Variants in HTR1D observed in about 807,000 individuals in gnomAD.
HTR1D encodes 5-HT-1D.
HTR1D carries 18 observed loss-of-function variants against 21.1 expected under a neutral mutation model. The observed-to-expected ratio is 0.85, with a 90% CI of 0.59 to 1.27. The LOEUF (loss-of-function observed/expected upper bound fraction) is 1.27, where lower values mean the gene tolerates loss of function less well. Ranked by LOEUF, HTR1D falls within the 50% of genes most tolerant of loss-of-function variation. The pLI is 0.00. For synonymous variants in HTR1D, 196 were observed against 204.4 expected (o/e 0.96, Z 0.35); for missense variants, 456 against 481.4 (o/e 0.95, Z 0.49).
At position 23,193,071 on chromosome 1, in the gene HTR1D, C is replaced by A; in HGVS notation, c.*15G>T. The A allele has an allele frequency of 6.4e-7, 1 of 1,552,884 alleles. No homozygotes were observed. Among genetic ancestry groups the A allele is most frequent in the South Asian group, 1.2e-5 (1 of 83,790 alleles). ...ACAGGACACAAAAGATAACAAGAGT[C>A]ATCACCGAATAAGACTAGGAGGCCT... On this transcript the variant is annotated 3_prime_UTR_variant, in exon 2 of 2. Coordinates refer to ENST00000374619, the MANE Select transcript of HTR1D (RefSeq NM_000864.5).
intron 1 of HTR1D, among the ~76,000 whole-genome samples, chr1:23,197,344 T>G (rs1287931321): frequency 6.6e-6 from 1 of 152,150 alleles, no homozygotes; most frequent in Non-Finnish European, 1.5e-5. Context: ...TGAACAAAGG[T>G]AGGAGAATTT....
At chr1:23,209,951 C>CG (rs1477880888) in intron 1 of HTR1D, among the ~76,000 whole-genome samples, 1 of 152,136 alleles carries the variant, frequency 6.6e-6, no homozygotes, top group African/African-American at 2.4e-5. Context: ...GGCCTGGTGA[C>CG]GGCAGCTTGG....
intron 1 of HTR1D, among the ~76,000 whole-genome samples, chr1:23,215,362 A>C (rs921373873): frequency 2.0e-5 from 3 of 149,424 alleles, no homozygotes; most frequent in African/African-American, 7.4e-5. Context: ...GGTTGCAGTG[A>C]GCCATGATCA....
chr1:23,198,424 T>C (rs538982477), intron 1 of HTR1D, among the ~76,000 whole-genome samples: 3 of 145,350 alleles, frequency 2.1e-5, no homozygotes, highest in South Asian at 2.2e-4. Context: ...AGAGTAAAAA[T>C]TGGAGAAACT....
At chr1:23,204,227 G>A (rs1305968212) in intron 1 of HTR1D, among the ~76,000 whole-genome samples, 6 of 151,676 alleles carry the variant, frequency 4.0e-5, no homozygotes, top group Non-Finnish European at 8.8e-5. Flanking sequence ...CCAGGTTCAC[G>A]CCATTCTCCT....
Position 23,194,358 on chromosome 1 carries a change from C to A in HTR1D, c.-139G>T. The A allele has an allele frequency of 1.5e-6, 1 of 666,624 alleles. No individual in the cohort carries two copies. 41.3% of individuals were successfully genotyped at this position (666,624 alleles called of 1,614,324 possible). A position where few individuals can be genotyped will look rare whatever the true frequency, so the allele number is the denominator to read the frequency against. ...CCAGAACAGACCACAGTGAAAAGGT[C>A]TCAAGACCAGACTATTCTCTAAGTA... On this transcript the variant is annotated 5_prime_UTR_variant, in exon 2 of 2. Transcript: ENST00000374619.
At chr1:23,201,591 C>T (rs1392031078) in intron 1 of HTR1D, among the ~76,000 whole-genome samples, 1 of 152,154 alleles carries the variant, frequency 6.6e-6, no homozygotes, top group Non-Finnish European at 1.5e-5. Context: ...CCTCTGTTGT[C>T]CAGGTTGGAG....
chr1:23,200,784 TCA>T (rs1314377711), intron 1 of HTR1D, among the ~76,000 whole-genome samples: 7 of 152,166 alleles, frequency 4.6e-5, no homozygotes, highest in African/African-American at 1.7e-4. Context: ...AAACAAAGTA[TCA>T]CTGCCCGTTT....
chr1:23,213,279 A>G (rs1644760964), intron 1 of HTR1D, among the ~76,000 whole-genome samples: 1 of 151,262 alleles, frequency 6.6e-6, no homozygotes, highest in Admixed American at 6.6e-5. Flanking sequence ...GGTCAGATCA[A>G]GACCATCCTG....
At chr1:23,216,946 G>C (rs1470893205) in intron 1 of HTR1D, among the ~76,000 whole-genome samples, 2 of 152,192 alleles carry the variant, frequency 1.3e-5, no homozygotes, top group East Asian at 3.9e-4. Context: ...TGGCGCCCGG[G>C]GCCCCTCGGG....
chr1:23,196,262 TGG>T (rs1408431942), intron 1 of HTR1D, among the ~76,000 whole-genome samples: 1 of 151,998 alleles, frequency 6.6e-6, no homozygotes, highest in Non-Finnish European at 1.5e-5. Flanking sequence ...CTGACCAACA[TGG>T]AGATACCCCG....
rs1157078224 is a variant in HTR1D at position 23,217,400 on chromosome 1, C to T, written c.-892G>A. Among the ~76,000 whole-genome samples the T allele has an allele frequency of 6.6e-6, 1 of 151,930 alleles. No individual in the cohort carries two copies. Among genetic ancestry groups the T allele is most frequent in the Non-Finnish European group, 1.5e-5 (1 of 67,934 alleles). On this transcript the variant is annotated 5_prime_UTR_variant, in exon 1 of 2. Coordinates refer to ENST00000374619, the MANE Select transcript of HTR1D (RefSeq NM_000864.5). The surrounding 1 kb of genome is among the most constrained non-coding windows in gnomAD (Gnocchi z 4.6). ...TGTCTCCGCCGCGACCCCCGCCGAACTCGGGGGCCGCCCGCCCCGCCGCCC... is the reference window on the plus strand; with the variant it reads ...TGTCTCCGCCGCGACCCCCGCCGAATTCGGGGGCCGCCCGCCCCGCCGCCC...
At chr1:23,203,943 G>C (rs1644719635) in intron 1 of HTR1D, among the ~76,000 whole-genome samples, 1 of 152,046 alleles carries the variant, frequency 6.6e-6, no homozygotes, top group Non-Finnish European at 1.5e-5. Context: ...TTAGGAGTTT[G>C]AGATCAGCCT....
At chr1:23,211,647 A>ATGTG (rs1241590165) in intron 1 of HTR1D, among the ~76,000 whole-genome samples, 1 of 147,544 alleles carries the variant, frequency 6.8e-6, no homozygotes, top group Non-Finnish European at 1.5e-5. Context: ...GTATGTATGT[A>ATGTG]TGTATGTATG....
At chr1:23,212,883 G>A (rs1285279057) in intron 1 of HTR1D, among the ~76,000 whole-genome samples, 1 of 151,452 alleles carries the variant, frequency 6.6e-6, no homozygotes, top group Non-Finnish European at 1.5e-5. Flanking sequence ...CTGGAGCACA[G>A]CGGCTCAATC....
intron 1 of HTR1D, among the ~76,000 whole-genome samples, chr1:23,214,184 C>T (rs529087280): frequency 9.2e-5 from 14 of 152,224 alleles, no homozygotes; most frequent in South Asian, 2.1e-4. Flanking sequence ...TCCAACACTT[C>T]GGGAGGCTGA....
chr1:23,206,186 T>C (rs1644730076), intron 1 of HTR1D, among the ~76,000 whole-genome samples: 3 of 152,046 alleles, frequency 2.0e-5, no homozygotes, highest in Admixed American at 2.0e-4. Flanking sequence ...GGACTACAGA[T>C]GCCCACCACC....
rs545335699 is a variant in HTR1D, at chr1:23,202,553, G to A, written c.-782-7552C>T. Among the ~76,000 whole-genome samples, 20 of 152,288 alleles carry A rather than the reference G, an allele frequency of 1.3e-4. No individual in the cohort carries two copies. The South Asian group carries it at 3.9e-3, about 30-fold the overall frequency. ...TGCCAGGAACAAAAAGGATGTATGG[G>A]TTTAATGTGTCCTTAGAAGCCAGTC... On this transcript the variant is annotated intron_variant, in intron 1 of 1. Coordinates refer to ENST00000374619, the MANE Select transcript of HTR1D (RefSeq NM_000864.5).
At chr1:23,207,838 T>C (rs1644738145) in intron 1 of HTR1D, among the ~76,000 whole-genome samples, 1 of 147,620 alleles carries the variant, frequency 6.8e-6, no homozygotes, top group Non-Finnish European at 1.5e-5. Context: ...CTCAGCTCAC[T>C]GCAACCTCCG....
Sources: allele counts gnomAD v4.1 joint callset (sites outside exome capture counted in the v4.1 genomes callset), GRCh38; gene constraint gnomAD v4.1.1; non-coding constraint Gnocchi (gnomAD v3.1); transcripts MANE v1.5; gene names NCBI Gene and HGNC (gene_info 2026-07-23, HGNC 2026-07-21).